Variants in TVP23A observed in about 807,000 individuals in gnomAD.
TVP23A encodes the protein Golgi apparatus membrane protein TVP23 homolog A.
A neutral mutation model predicts 31.7 loss-of-function variants in TVP23A; 21 were observed. The ratio of observed to expected loss-of-function variants is 0.66; its 90% CI spans 0.47 to 0.95. TVP23A has a LOEUF of 0.95. Ranked by LOEUF, TVP23A falls within the 40% of genes least tolerant of loss-of-function variation. The probability of loss-of-function intolerance (pLI) is 0.00; values close to 1 mark genes in which losing one functional copy is unlikely to be tolerated. For synonymous variants in TVP23A, 104 were observed against 96.0 expected, an observed-to-expected ratio of 1.08 and a Z score of -0.49; for missense variants, 279 against 255.6, an observed-to-expected ratio of 1.09 and a Z score of -0.62.
chr16:10,767,042 T>C lies in TVP23A; in HGVS notation c.*2060A>G. 2.5e-6 allele frequency: 1 copy of C among 398,430 alleles called. No individual in the cohort carries two copies. The highest frequency in any genetic ancestry group is 1.3e-4 in the South Asian group (1 of 7,850). 24.7% of individuals were successfully genotyped at this position (398,430 alleles called of 1,614,324 possible). On this transcript the variant is annotated 3_prime_UTR_variant, in exon 8 of 8. Coordinates refer to ENST00000299866, the MANE Select transcript of TVP23A (RefSeq NM_001079512.4). The surrounding 1 kb of genome is among the most constrained non-coding windows in gnomAD (Gnocchi z 4.6). ...CCTGTCCCACAGGGCGACACAGTAG[T>C]GAAGTTGAGGAAATGATGAGTGCTA...
At position 10,767,358 on chromosome 16, in the gene TVP23A, G is replaced by A; in HGVS notation, c.*1744C>T. ...GCCACATGGCGGGGAAAGACTAGCA[G>A]ACTGATAGACACCAGCACAGATGAC... is the stretch of plus-strand genomic sequence containing the variant. On this transcript the variant is annotated 3_prime_UTR_variant, in exon 8 of 8. Transcript: ENST00000299866. This position sits in a 1 kb window ranked among gnomAD's most constrained non-coding sequence, Gnocchi z 4.6. The A allele has an allele frequency of 2.5e-6, 1 of 399,842 alleles. No homozygotes were observed. The highest frequency in any genetic ancestry group is 4.4e-6 in the Non-Finnish European group (1 of 226,994). 24.8% of individuals were successfully genotyped at this position (399,842 alleles called of 1,614,324 possible).
In TVP23A at chr16:10,780,129, A is replaced by G. The variant is rs2089206; in HGVS notation, c.90-5033T>C. On this transcript the variant is annotated intron_variant, in intron 2 of 7. Coordinates refer to ENST00000299866, the MANE Select transcript of TVP23A (RefSeq NM_001079512.4). ...TGAATGAATGAATGAATGAATGAATAAAATAAAATAAAGATTAACTTCTTT... is the reference window on the plus strand; with the variant it reads ...TGAATGAATGAATGAATGAATGAATGAAATAAAATAAAGATTAACTTCTTT... Among the ~76,000 whole-genome samples the G allele has an allele frequency of 7.1e-3, 1,041 of 146,980 alleles. 8 individuals carry two copies. Among genetic ancestry groups the G allele is most frequent in the African/African-American group, 0.026 (992 of 38,142 alleles).
intron 5 of TVP23A, among the ~76,000 whole-genome samples, chr16:10,772,036 G>T (rs2031664438): frequency 8.8e-6 from 1 of 113,392 alleles, no homozygotes; most frequent in Non-Finnish European, 1.8e-5. Flanking sequence ...AGCCAGGATG[G>T]TCTCCATCTG....
chr16:10,814,670 A>G (rs756764931), intron 2 of TVP23A, among the ~76,000 whole-genome samples: 19 of 152,222 alleles, frequency 1.2e-4, no homozygotes, highest in Non-Finnish European at 2.2e-4. Context: ...TGCCACAGCC[A>G]CATGTGGCTA....
chr16:10,814,897 C>T (rs1048544944), intron 2 of TVP23A, among the ~76,000 whole-genome samples: 2 of 148,760 alleles, frequency 1.3e-5, no homozygotes, highest in African/African-American at 2.6e-5. Context: ...CCGATCTCCA[C>T]GCAGGCCACT....
At chr16:10,808,731 T>G (rs991801753) in intron 2 of TVP23A, 13 of 334,574 alleles carry the variant, frequency 3.9e-5, no homozygotes, top group Non-Finnish European at 7.1e-5. Context: ...GAGCCATGAT[T>G]ACACCACTGC....
intron 6 of TVP23A, 40 bp from the exon 7 acceptor site, chr16:10,770,371 A>G: frequency 6.5e-7 from 1 of 1,545,604 alleles, no homozygotes; most frequent in Non-Finnish European, 8.7e-7. Context: ...CTGTCCTTAC[A>G]CGCGAGTGGG....
intron 3 of TVP23A, among the ~76,000 whole-genome samples, chr16:10,774,352 T>C (rs987947956): frequency 1.2e-4 from 18 of 152,312 alleles, no homozygotes; most frequent in African/African-American, 4.1e-4. Context: ...ATAATTTATA[T>C]GTTCATATTA....
In TVP23A at chr16:10,768,093, G is replaced by A. The variant is rs1047329714; in HGVS notation, c.*1009C>T. ...GTGGGGCAGGAAGCAACATAAAGGA[G>A]CCAGGGGTGTGGAAGGACAGGTGGG... On this transcript the variant is annotated 3_prime_UTR_variant, in exon 8 of 8. Transcript: ENST00000299866. This position sits in a 1 kb window ranked among gnomAD's most constrained non-coding sequence, Gnocchi z 4.3. The A allele has an allele frequency of 6.5e-7, 1 of 1,532,160 alleles. No homozygotes were observed. Among genetic ancestry groups the A allele is most frequent in the East Asian group, 2.3e-5 (1 of 44,430 alleles). 94.9% of individuals were successfully genotyped at this position (1,532,160 alleles called of 1,614,324 possible). A position where few individuals can be genotyped will look rare whatever the true frequency, so the allele number is the denominator to read the frequency against.
At chr16:10,760,561 C>T (rs1900876154), downstream of TVP23A, among the ~76,000 whole-genome samples, 1 of 152,152 alleles carries the variant, frequency 6.6e-6, no homozygotes. Context: ...GTCTGGGCAA[C>T]AACCATCTCT....
intron 2 of TVP23A, among the ~76,000 whole-genome samples, chr16:10,817,128 C>G (rs1157990267): frequency 1.3e-5 from 2 of 152,182 alleles, no homozygotes; most frequent in African/African-American, 4.8e-5. Flanking sequence ...GCACTGCTGC[C>G]ACCTTGGTTT....
chr16:10,765,628 C>G (rs1244358604), downstream of TVP23A, among the ~76,000 whole-genome samples: 1 of 152,228 alleles, frequency 6.6e-6, no homozygotes, highest in Non-Finnish European at 1.5e-5. This position sits in a 1 kb window ranked among gnomAD's most constrained non-coding sequence, Gnocchi z 4.0. Flanking sequence ...CTATTAGATC[C>G]TGATACGGCT....
intron 2 of TVP23A, among the ~76,000 whole-genome samples, chr16:10,780,878 C>G (rs889388949): frequency 6.6e-6 from 1 of 152,110 alleles, no homozygotes; most frequent in East Asian, 1.9e-4. Context: ...ACAACTTTCT[C>G]TCACTCCTGA....
chr16:10,765,457 A>G (rs769782295), downstream of TVP23A, among the ~76,000 whole-genome samples: 1 of 151,936 alleles, frequency 6.6e-6, no homozygotes, highest in Non-Finnish European at 1.5e-5. The surrounding 1 kb of genome is among the most constrained non-coding windows in gnomAD (Gnocchi z 4.0). Context: ...GCAGTGAGCC[A>G]TGATCACACC....
Position 10,775,002 on chromosome 16 carries a change from A to G in TVP23A, c.184T>C (p.Cys62Arg), listed in dbSNP as rs372361093. 1.5e-5 allele frequency: 25 copies of G among 1,612,912 alleles called. No individual in the cohort carries two copies. The highest frequency in any genetic ancestry group is 2.2e-5 in the East Asian group (1 of 44,866). The change falls in exon 3 of 8, where the codon TGT (cysteine) becomes CGT (arginine). Residue 62 changes from cysteine (C) to arginine (R), a missense_variant. Physicochemically the swap from Cys to Arg is radical, Grantham distance 180 (BLOSUM62 -3). Coordinates refer to ENST00000299866, the MANE Select transcript of TVP23A (RefSeq NM_001079512.4). The part of the protein sequence containing the change: ...CDWFSKSFVG[C>R]FVMVLLLLSL... ...AGGAGGAGCAGCACCATGACAAAAC[A>G]GCCCACAAAGCTCTTGCTGAACCAG...
Position 10,818,029 on chromosome 16 carries a change from T to G in TVP23A, c.89+74A>C. Reference sequence around the variant, plus strand: ...CACACAGTAGGTGCTCAATATATTTTGAATGAATGAGTGAGTAAATGAATG... The same window carrying G: ...CACACAGTAGGTGCTCAATATATTTGGAATGAATGAGTGAGTAAATGAATG... On this transcript the variant is annotated intron_variant, in intron 2 of 7. Transcript: ENST00000299866. The surrounding 1 kb of genome is among the most constrained non-coding windows in gnomAD (Gnocchi z 4.7). 2.3e-6 allele frequency: 3 copies of G among 1,297,556 alleles called. No homozygotes were observed. The highest frequency in any genetic ancestry group is 3.3e-6 in the Non-Finnish European group (3 of 914,258). 80.4% of individuals were successfully genotyped at this position (1,297,556 alleles called of 1,614,324 possible). A position where few individuals can be genotyped will look rare whatever the true frequency, so the allele number is the denominator to read the frequency against.
chr16:10,760,478 G>A (rs994012541), downstream of TVP23A, among the ~76,000 whole-genome samples: 8 of 152,230 alleles, frequency 5.3e-5, no homozygotes, highest in African/African-American at 1.2e-4. Context: ...AGGCACAGTG[G>A]CTCACGCCTC....
intron 2 of TVP23A, among the ~76,000 whole-genome samples, chr16:10,801,697 C>A (rs952992494): frequency 6.6e-6 from 1 of 152,184 alleles, no homozygotes; most frequent in African/African-American, 2.4e-5. Context: ...CTCAGGCGAT[C>A]CTCCCGTCTC....
At chr16:10,795,603 G>A (rs1259599078) in intron 2 of TVP23A, among the ~76,000 whole-genome samples, 1 of 152,084 alleles carries the variant, frequency 6.6e-6, no homozygotes, top group African/African-American at 2.4e-5. Flanking sequence ...AGACGCAGGG[G>A]ACCGAACTCA....
Sources: gnomAD v4.1 joint callset for allele counts (sites outside exome capture counted in the v4.1 genomes callset) on GRCh38, gnomAD v4.1.1 for gene constraint, Gnocchi (gnomAD v3.1) non-coding constraint, MANE v1.5 for transcripts, NCBI Gene and HGNC (gene_info 2026-07-23, HGNC 2026-07-21) for gene names.